The following PKHD1 variants were observed in gnomAD, a reference collection of about 807,000 sequenced individuals.
PKHD1 encodes fibrocystin.
PKHD1 carries 291 observed loss-of-function variants against 412.0 expected under a neutral mutation model. The observed-to-expected ratio is 0.71, with a 90% CI of 0.64 to 0.78. The LOEUF (loss-of-function observed/expected upper bound fraction) is 0.78. Among genes scored for constraint, PKHD1 ranks in the 30% least tolerant of loss-of-function variants. PKHD1 has a pLI of 0.00. For missense variants in PKHD1, 4,825 were observed against 4,950.7 expected, an observed-to-expected ratio of 0.97 and a Z score of 0.76; for synonymous variants, 1,777 against 1,821.5, an observed-to-expected ratio of 0.98 and a Z score of 0.62.
At chr6:51,715,554 C>G (rs559628374) in intron 60 of PKHD1, among the ~76,000 whole-genome samples, 1 of 152,152 alleles carries the variant, frequency 6.6e-6, no homozygotes, top group Non-Finnish European at 1.5e-5. Flanking sequence ...ATGAAACACA[C>G]ACTAGAGCCT....
chr6:51,969,932 C>G (rs545817979), intron 35 of PKHD1, among the ~76,000 whole-genome samples: 1 of 152,132 alleles, frequency 6.6e-6, no homozygotes, highest in African/African-American at 2.4e-5. Flanking sequence ...ATAATAATTT[C>G]TTTTCCTTTG....
intron 36 of PKHD1, among the ~76,000 whole-genome samples, chr6:51,958,050 G>A (rs1791409918): frequency 6.6e-6 from 1 of 152,068 alleles, no homozygotes; most frequent in African/African-American, 2.4e-5. Flanking sequence ...AACAAAATTT[G>A]ATCTGTGTCC....
chr6:51,913,786 G>T (rs1220420251), intron 37 of PKHD1, among the ~76,000 whole-genome samples: 1 of 151,998 alleles, frequency 6.6e-6, no homozygotes, highest in Non-Finnish European at 1.5e-5. Flanking sequence ...GTTTAGAAAG[G>T]TCTCTGGGTT....
At chr6:51,982,890 T>TAAAAAAAATA (rs761826670) in intron 35 of PKHD1, among the ~76,000 whole-genome samples, 2 of 37,638 alleles carry the variant, frequency 5.3e-5, no homozygotes, top group Non-Finnish European at 1.0e-4. Flanking sequence ...TAAAATAAAA[T>TAAAAAAAATA]AAAAAAAAGA....
chr6:51,975,626 T>TAAAAAAAAAA (rs750698580), intron 35 of PKHD1: 9 of 128,444 alleles, frequency 7.0e-5, no homozygotes, highest in Non-Finnish European at 9.8e-5. Context: ...CTATCAGCCA[T>TAAAAAAAAAA]AAAAAAAAAA....
intron 60 of PKHD1, among the ~76,000 whole-genome samples, chr6:51,661,264 T>G (rs554921719): frequency 6.6e-6 from 1 of 152,136 alleles, no homozygotes; most frequent in South Asian, 2.1e-4. Flanking sequence ...GATATAGATA[T>G]AGATATATAG....
intron 52 of PKHD1, among the ~76,000 whole-genome samples, chr6:51,810,456 A>G (rs141496599): frequency 4.9e-4 from 75 of 152,308 alleles, no homozygotes; most frequent in African/African-American, 1.5e-3. Context: ...AGATGCTTCT[A>G]TAAAATAACA....
At chr6:52,037,229 C>T (rs1023967715) in intron 27 of PKHD1, among the ~76,000 whole-genome samples, 1 of 151,402 alleles carries the variant, frequency 6.6e-6, no homozygotes, top group Non-Finnish European at 1.5e-5. Context: ...AAATAAATTC[C>T]CAATTTATCA....
At chr6:51,647,493 AC>A (rs1216478378) in intron 63 of PKHD1, among the ~76,000 whole-genome samples, 1 of 152,178 alleles carries the variant, frequency 6.6e-6, no homozygotes, top group Non-Finnish European at 1.5e-5. Flanking sequence ...GAACAGGAAG[AC>A]AAAAGAGGGT....
At chr6:51,831,203 T>A (rs912608122) in intron 51 of PKHD1, among the ~76,000 whole-genome samples, 1 of 152,284 alleles carries the variant, frequency 6.6e-6, no homozygotes, top group African/African-American at 2.4e-5. Context: ...ACTTTTGTTA[T>A]TATACATCTG....
At chr6:51,625,460 C>T (rs965654191) in intron 66 of PKHD1, among the ~76,000 whole-genome samples, 2 of 152,102 alleles carry the variant, frequency 1.3e-5, no homozygotes, top group Non-Finnish European at 2.9e-5. Context: ...GATAAGGAAA[C>T]AAATCTGCTG....
intron 55 of PKHD1, among the ~76,000 whole-genome samples, chr6:51,769,385 C>T (rs1161542005): frequency 6.6e-6 from 1 of 151,124 alleles, no homozygotes; most frequent in African/African-American, 2.4e-5. Context: ...TCTAAATTAT[C>T]GTTAAAAATT....
chr6:51,785,546 AC>A (rs1226835429), intron 53 of PKHD1, among the ~76,000 whole-genome samples: 1 of 152,226 alleles, frequency 6.6e-6, no homozygotes, highest in East Asian at 1.9e-4. Flanking sequence ...ATTATAAAAA[AC>A]AAAAAGCTGG....
intron 35 of PKHD1, among the ~76,000 whole-genome samples, chr6:51,979,954 G>A (rs149244932): frequency 7.4e-4 from 113 of 152,206 alleles, no homozygotes; most frequent in African/African-American, 2.4e-3. Context: ...GCTGCCCTGC[G>A]CTCAGTGCCC....
intron 43 of PKHD1, among the ~76,000 whole-genome samples, chr6:51,901,847 A>C (rs1451104789): frequency 6.6e-6 from 1 of 152,204 alleles, no homozygotes; most frequent in East Asian, 1.9e-4. Context: ...AGAGTAAGAA[A>C]GTAAATGAAG....
rs150595450 is a variant in PKHD1 at position 51,832,336 on chromosome 6, A to T, written c.8174-1347T>A. Among the ~76,000 whole-genome samples, 705 of 152,166 alleles carry T rather than the reference A, an allele frequency of 4.6e-3. 3 individuals carry two copies. Among genetic ancestry groups the T allele is most frequent in the Admixed American group, 8.3e-3 (127 of 15,254 alleles). On this transcript the variant is annotated intron_variant, in intron 51 of 66. Transcript: ENST00000371117. The stretch of plus-strand genomic sequence containing the variant: ...GAGGTTGTGATGAGTGTATGACAAG[A>T]GGGTTGCACTGCAGACAGAAGGATG...
chr6:51,938,402 G>A (rs1236781391), intron 36 of PKHD1, among the ~76,000 whole-genome samples: 3 of 149,858 alleles, frequency 2.0e-5, no homozygotes, highest in Non-Finnish European at 3.0e-5. Flanking sequence ...AGTGAAAATG[G>A]CTGGTCCTTG....
At chr6:51,852,688 T>C (rs950275447) in intron 49 of PKHD1, among the ~76,000 whole-genome samples, 6 of 152,088 alleles carry the variant, frequency 3.9e-5, no homozygotes, top group Non-Finnish European at 8.8e-5. Flanking sequence ...TTGATCATTG[T>C]TGGTTTAAAG....
At chr6:51,953,303 C>A (rs1790638209) in intron 36 of PKHD1, among the ~76,000 whole-genome samples, 1 of 151,966 alleles carries the variant, frequency 6.6e-6, no homozygotes, top group African/African-American at 2.4e-5. Context: ...AGAAAAAAAA[C>A]AAATTATTGT....
Sources: gnomAD v4.1 joint callset for allele counts (sites outside exome capture counted in the v4.1 genomes callset) on GRCh38, gnomAD v4.1.1 for gene constraint, MANE v1.5 for transcripts, NCBI Gene and HGNC (gene_info 2026-07-23, HGNC 2026-07-21) for gene names.